Variants in CABLES1 observed in about 807,000 individuals in gnomAD.
CABLES1 encodes CDK5 and ABL1 enzyme substrate 1.
CABLES1 carries 36 observed loss-of-function variants against 57.8 expected under a neutral mutation model. That is an observed-to-expected ratio of 0.62 (90% CI 0.48 to 0.82). The LOEUF (loss-of-function observed/expected upper bound fraction) is 0.82, where lower values mean the gene tolerates loss of function less well. CABLES1 is among the 40% of genes least tolerant of loss of function. The probability of loss-of-function intolerance (pLI) is 0.00; values close to 1 mark genes in which losing one functional copy is unlikely to be tolerated. For missense variants in CABLES1, 767 were observed against 836.6 expected (o/e 0.92, Z 1.03); for synonymous variants, 374 against 363.0 (o/e 1.03, Z -0.35).
At position 23,231,355 on chromosome 18, in the gene CABLES1, G is replaced by A. The variant is rs145886731; in HGVS notation, c.1089-3253G>A. ...CATTTCAAGCACTTAGTTGCCACAC[G>A]TAACCATCGTATGGAACACGGTAGA... On this transcript the variant is annotated intron_variant, in intron 4 of 9. Coordinates refer to ENST00000256925, the MANE Select transcript of CABLES1 (RefSeq NM_001100619.3). Among the ~76,000 whole-genome samples, 21 of 152,282 alleles carry A rather than the reference G, an allele frequency of 1.4e-4. No individual in the cohort carries two copies. In the East Asian group the frequency reaches 3.9e-3, roughly 28 times the overall value.
intron 4 of CABLES1, among the ~76,000 whole-genome samples, chr18:23,226,327 G>A (rs769980891): frequency 6.6e-6 from 1 of 151,600 alleles, no homozygotes; most frequent in African/African-American, 2.4e-5. Flanking sequence ...GCTTGAACCT[G>A]AGAAGTGGAG....
Position 23,230,360 on chromosome 18 carries a change from A to G in CABLES1, c.1089-4248A>G, listed in dbSNP as rs1286407367. Among the ~76,000 whole-genome samples, 7 of 152,354 alleles carry G rather than the reference A, an allele frequency of 4.6e-5. No homozygotes were observed. The East Asian group carries it at 1.3e-3, about 29-fold the overall frequency. On this transcript the variant is annotated intron_variant, in intron 4 of 9. Coordinates refer to ENST00000256925, the MANE Select transcript of CABLES1 (RefSeq NM_001100619.3). The stretch of plus-strand genomic sequence containing the variant: ...GCACTCCAGCCTGGGTGACAGAGCA[A>G]GACTCCATCTCAAAACAAAAACAAA...
chr18:23,191,906 T>TAAAAAAAAAAAAAA, intron 2 of CABLES1, among the ~76,000 whole-genome samples: 1 of 82,632 alleles, frequency 1.2e-5, no homozygotes, highest in Non-Finnish European at 2.3e-5. Context: ...GTTGAATGCT[T>TAAAAAAAAAAAAAA]AAAAAAAAAA....
At chr18:23,198,028 C>T (rs2047297358) in intron 3 of CABLES1, 3 of 152,004 alleles carry the variant, frequency 2.0e-5, no homozygotes, top group African/African-American at 4.8e-5. Flanking sequence ...GAGGCTGAGG[C>T]AAGTGGATCG....
intron 7 of CABLES1, among the ~76,000 whole-genome samples, chr18:23,250,186 G>C (rs968049019): frequency 2.0e-5 from 3 of 152,196 alleles, no homozygotes; most frequent in African/African-American, 7.2e-5. Context: ...TCGTTAAGCA[G>C]CAGGATATCC....
Position 23,136,590 on chromosome 18 carries a change from G to C in CABLES1, c.828G>C (p.Glu276Asp). Reference sequence around the variant, plus strand: ...AGGGCGGCAGCACCAGCGCCTTCGAGCAGCTGCAGAGGTCCCGGTGAGTAT... The same window carrying C: ...AGGGCGGCAGCACCAGCGCCTTCGACCAGCTGCAGAGGTCCCGGTGAGTAT... ...PGQGGSTSAF[E>D]QLQRSRRRLI... Residue 276 changes from glutamate (E) to aspartate (D), a missense_variant, in exon 1 of 10, where the codon GAG (glutamate) becomes GAC (aspartate). By Grantham distance (45) the Glu-to-Asp change is conservative. Around this residue, in one of 4 missense-constraint regions of CABLES1, gnomAD observed 529 missense variants for 622.8 expected, o/e 0.85. Transcript: ENST00000256925. 2.0e-6 allele frequency: 3 copies of C among 1,485,612 alleles called. No homozygotes were observed. The highest frequency in any genetic ancestry group is 2.7e-6 in the Non-Finnish European group (3 of 1,121,738). 92.0% of individuals were successfully genotyped at this position (1,485,612 alleles called of 1,614,324 possible). A position where few individuals can be genotyped will look rare whatever the true frequency, so the allele number is the denominator to read the frequency against.
At chr18:23,194,619 C>A in intron 3 of CABLES1, 79 bp downstream of exon 3, 1 of 890,290 alleles carries the variant, frequency 1.1e-6, no homozygotes, top group Non-Finnish European at 1.9e-6. Context: ...TTTTAGTGGC[C>A]AAAACTCAGC....
Position 23,257,482 on chromosome 18 carries a change from C to A in CABLES1, c.*115C>A. 4 of 1,209,762 alleles carry A rather than the reference C, an allele frequency of 3.3e-6. No homozygotes were observed. Among genetic ancestry groups the A allele is most frequent in the Non-Finnish European group, 3.4e-6 (3 of 891,042 alleles). The allele number at this position is 1,209,762 out of a possible 1,614,324, so 74.9% of individuals were successfully genotyped here. ...CAGAATACCAGACTTTTCTTCCTCT[C>A]GACATAGTTTGGGGAGAAGCAGTAC... On this transcript the variant is annotated 3_prime_UTR_variant, in exon 10 of 10. Transcript: ENST00000256925.
At chr18:23,211,718 G>GCACCC (rs2047406302) in intron 3 of CABLES1, among the ~76,000 whole-genome samples, 1 of 152,238 alleles carries the variant, frequency 6.6e-6, no homozygotes, top group East Asian at 1.9e-4. Flanking sequence ...CCACCTGCTG[G>GCACCC]TGCATCTCCT....
At chr18:23,184,264 C>A (rs1272713102) in intron 1 of CABLES1, among the ~76,000 whole-genome samples, 1 of 151,844 alleles carries the variant, frequency 6.6e-6, no homozygotes, top group Non-Finnish European at 1.5e-5. Context: ...GAGTCCTGAT[C>A]AGAAGTGCCC....
At chr18:23,197,094 C>A (rs1311371806) in intron 3 of CABLES1, 1 of 152,196 alleles carries the variant, frequency 6.6e-6, no homozygotes, top group Non-Finnish European at 1.5e-5. Flanking sequence ...TCACGTCTGA[C>A]CTAACCAAGA....
chr18:23,205,717 G>A (rs2145042104), intron 3 of CABLES1, among the ~76,000 whole-genome samples: 1 of 152,278 alleles, frequency 6.6e-6, no homozygotes, highest in African/African-American at 2.4e-5. Flanking sequence ...TTGAAGCCAG[G>A]TGTCGTGGCT....
At chr18:23,185,881 G>A (rs572331636) in intron 1 of CABLES1, among the ~76,000 whole-genome samples, 1 of 152,236 alleles carries the variant, frequency 6.6e-6, no homozygotes, top group South Asian at 2.1e-4. Flanking sequence ...GTTTTACTTT[G>A]GATTTAAAAG....
At chr18:23,139,372 C>A (rs1216422722) in intron 1 of CABLES1, among the ~76,000 whole-genome samples, 29 of 143,920 alleles carry the variant, frequency 2.0e-4, no homozygotes, top group African/African-American at 7.6e-4. Flanking sequence ...TATTGCACTC[C>A]AGCCTGGGCA....
chr18:23,195,592 T>C (rs577820672), intron 3 of CABLES1, among the ~76,000 whole-genome samples: 1 of 152,230 alleles, frequency 6.6e-6, no homozygotes, highest in Non-Finnish European at 1.5e-5. Flanking sequence ...TAAAGCCTTA[T>C]AAGGACAGGG....
intron 1 of CABLES1, among the ~76,000 whole-genome samples, chr18:23,159,721 C>T (rs1010396938): frequency 2.0e-5 from 3 of 152,148 alleles, no homozygotes; most frequent in Non-Finnish European, 4.4e-5. Flanking sequence ...TTAACACACA[C>T]GCACAGACAA....
chr18:23,219,852 AATC>A (rs1266749918), intron 4 of CABLES1, among the ~76,000 whole-genome samples: 1 of 152,198 alleles, frequency 6.6e-6, no homozygotes, highest in Non-Finnish European at 1.5e-5. Flanking sequence ...ATCTGTCAAT[AATC>A]AGCAACTTCT....
intron 2 of CABLES1, among the ~76,000 whole-genome samples, chr18:23,192,780 T>C (rs1192855900): frequency 6.6e-6 from 1 of 152,218 alleles, no homozygotes. Context: ...TTGAGTGGCC[T>C]GCAGATTCGA....
At position 23,136,604 on chromosome 18, in the gene CABLES1, C is replaced by A; in HGVS notation, c.842C>A (p.Ser281Tyr). 7.0e-7 allele frequency: 1 copy of A among 1,433,730 alleles called. No homozygotes were observed. The highest frequency in any genetic ancestry group is 9.1e-7 in the Non-Finnish European group (1 of 1,094,682). 88.8% of individuals were successfully genotyped at this position (1,433,730 alleles called of 1,614,324 possible). ...STSAFEQLQRSRRRLISQRSS... is the reference protein window; with the variant it reads ...STSAFEQLQRYRRRLISQRSS... ...AGCGCCTTCGAGCAGCTGCAGAGGT[C>A]CCGGTGAGTATCCGGGATGCGACGC... Residue 281 changes from serine to tyrosine, a missense_variant, in exon 1 of 10, where the codon TCC becomes TAC. This residue lies in a region of CABLES1 where 529 missense variants were observed against 622.8 expected (regional missense o/e 0.85). Coordinates refer to ENST00000256925, the MANE Select transcript of CABLES1 (RefSeq NM_001100619.3).
Sources: gnomAD v4.1 joint callset for allele counts (sites outside exome capture counted in the v4.1 genomes callset) on GRCh38, gnomAD v4.1.1 for gene constraint, gnomAD v4.1.1 regional missense constraint, MANE v1.5 for transcripts, NCBI Gene and HGNC (gene_info 2026-07-23, HGNC 2026-07-21) for gene names.